The following TTC39C variants were observed in gnomAD, a reference collection of about 807,000 sequenced individuals.
The protein encoded by TTC39C is tetratricopeptide repeat domain 39C.
A neutral mutation model predicts 76.3 loss-of-function variants in TTC39C; 33 were observed. That is an observed-to-expected ratio of 0.43 (90% confidence interval 0.33 to 0.58). The LOEUF (loss-of-function observed/expected upper bound fraction) is 0.58. Ranked by LOEUF, TTC39C falls within the 20% of genes least tolerant of loss-of-function variation. The pLI is 0.04. For synonymous variants in TTC39C, 254 were observed against 260.6 expected, an observed-to-expected ratio of 0.97 and a Z score of 0.24; for missense variants, 595 against 701.4, an observed-to-expected ratio of 0.85 and a Z score of 1.71.
At chr18:23,993,105 A>G (rs2083232591) in intron 1 of TTC39C, 1 of 151,380 alleles carries the variant, frequency 6.6e-6, no homozygotes. Flanking sequence ...TTATGTTTTT[A>G]TCATGTTGTC....
intron 1 of TTC39C, chr18:24,001,499 C>G (rs2083310210): frequency 6.6e-6 from 1 of 152,258 alleles, no homozygotes; most frequent in Non-Finnish European, 1.5e-5. Context: ...TGTCTTCCCC[C>G]TTGAGTCTTT....
rs564243135 is a variant in TTC39C at position 24,024,687 on chromosome 18, A to G, written c.167+9649A>G. On this transcript the variant is annotated intron_variant, in intron 1 of 13. Coordinates refer to ENST00000317571, the MANE Select transcript of TTC39C (RefSeq NM_001135993.2). ...GAGTGTCTCAGAAAACATATCTCCC[A>G]TCGTTAAATCCCTCTGCACACCAAC... 2.6e-5 allele frequency among the ~76,000 whole-genome samples: 4 copies of G among 152,274 alleles called. No homozygotes were observed. The South Asian group carries it at 8.3e-4, about 32-fold the overall frequency.
chr18:24,118,861 G>C (rs897728045), intron 8 of TTC39C, among the ~76,000 whole-genome samples: 1 of 152,022 alleles, frequency 6.6e-6, no homozygotes, highest in African/African-American at 2.4e-5. Flanking sequence ...TTGCTATGGT[G>C]CCCAGGCTAA....
intron 1 of TTC39C, among the ~76,000 whole-genome samples, chr18:24,040,668 A>C (rs1258058763): frequency 3.9e-5 from 6 of 152,210 alleles, no homozygotes; most frequent in African/African-American, 1.4e-4. Context: ...GTAAGCATAC[A>C]GCTTAACTAG....
chr18:24,131,677 C>T (rs1024581437), intron 12 of TTC39C, among the ~76,000 whole-genome samples: 12 of 147,470 alleles, frequency 8.1e-5, no homozygotes, highest in African/African-American at 3.0e-4. Flanking sequence ...CTGCACACCA[C>T]ACTCCAGCCT....
At chr18:24,045,223 C>T (rs188724929) in intron 1 of TTC39C, among the ~76,000 whole-genome samples, 4 of 144,618 alleles carry the variant, frequency 2.8e-5, no homozygotes, top group East Asian at 2.0e-4. Context: ...GAGTCAAGAT[C>T]ATGCCACTGC....
chr18:24,021,901 A>G (rs559256054), intron 1 of TTC39C, among the ~76,000 whole-genome samples: 1 of 152,210 alleles, frequency 6.6e-6, no homozygotes, highest in South Asian at 2.1e-4. Flanking sequence ...AGTTTCTGCC[A>G]TGAACAGGAC....
intron 1 of TTC39C, among the ~76,000 whole-genome samples, chr18:24,059,397 G>A (rs1006453976): frequency 6.6e-6 from 1 of 152,058 alleles, no homozygotes; most frequent in Non-Finnish European, 1.5e-5. Flanking sequence ...CTCCGTGTCT[G>A]TTGTTCCCCT....
chr18:24,105,630 C>T (rs2084736979), intron 6 of TTC39C, among the ~76,000 whole-genome samples: 2 of 152,198 alleles, frequency 1.3e-5, no homozygotes, highest in Non-Finnish European at 2.9e-5. Context: ...TGTGACTTGC[C>T]TCACTTGAGT....
chr18:24,076,598 G>A (rs535953315), intron 4 of TTC39C, among the ~76,000 whole-genome samples: 23 of 152,190 alleles, frequency 1.5e-4, no homozygotes, highest in African/African-American at 5.3e-4. Context: ...GTGTGGGATG[G>A]AGAGTAGGGC....
chr18:24,075,301 A>T (rs531154399), intron 4 of TTC39C, among the ~76,000 whole-genome samples: 42 of 136,502 alleles, frequency 3.1e-4, no homozygotes, highest in Admixed American at 5.7e-4. Context: ...AAGTATAATT[A>T]AAAAAAAAAA....
chr18:24,043,494 G>A (rs2145694645), intron 1 of TTC39C, among the ~76,000 whole-genome samples: 1 of 152,268 alleles, frequency 6.6e-6, no homozygotes, highest in African/African-American at 2.4e-5. Flanking sequence ...AAAGGGATAG[G>A]AACAACTCAG....
intron 1 of TTC39C, among the ~76,000 whole-genome samples, chr18:24,038,818 T>A (rs766918504): frequency 1.5e-4 from 23 of 152,156 alleles, no homozygotes; most frequent in Non-Finnish European, 3.1e-4. Flanking sequence ...CTGGCCATGT[T>A]CTCACATGGC....
upstream of TTC39C, among the ~76,000 whole-genome samples, chr18:24,013,787 T>C (rs532258005): frequency 2.0e-5 from 3 of 152,350 alleles, no homozygotes; most frequent in Non-Finnish European, 4.4e-5. Context: ...TCTAGAATAT[T>C]AGGCATCCAG....
At chr18:24,019,416 T>C (rs913868044) in intron 1 of TTC39C, among the ~76,000 whole-genome samples, 1 of 152,250 alleles carries the variant, frequency 6.6e-6, no homozygotes. Context: ...ACATAGTTGC[T>C]ATGAATTGTG....
At chr18:24,005,344 A>G (rs2083343671) in intron 1 of TTC39C, among the ~76,000 whole-genome samples, 1 of 152,222 alleles carries the variant, frequency 6.6e-6, no homozygotes, top group African/African-American at 2.4e-5. Context: ...GCCAGCAGTC[A>G]TTCTAGATTT....
chr18:24,132,724 GATCTCCTCTTTTAAAC>G lies in TTC39C; in HGVS notation c.*153_*168del. 1.8e-6 allele frequency: 1 copy of G among 553,084 alleles called. No homozygotes were observed. The highest frequency in any genetic ancestry group is 3.1e-6 in the Non-Finnish European group (1 of 320,848). 34.3% of individuals were successfully genotyped at this position (553,084 alleles called of 1,614,324 possible). Reference sequence around the variant, plus strand: ...TTCCCAGTTAAGCTGACATATTAAAGATCTCCTCTTTTAAACATGTAGCTGAAAAGTAATAATGATG... The same window carrying G: ...TTCCCAGTTAAGCTGACATATTAAAGATGTAGCTGAAAAGTAATAATGATG... On this transcript the variant is annotated 3_prime_UTR_variant, in exon 14 of 14. Transcript: ENST00000317571.
intron 1 of TTC39C, chr18:23,994,399 T>C (rs941677398): frequency 2.0e-5 from 3 of 151,982 alleles, no homozygotes; most frequent in Non-Finnish European, 4.4e-5. Context: ...ATCAGTGTGG[T>C]TGGCAGATGT....
In TTC39C at chr18:24,080,599, G is replaced by A; in HGVS notation, c.475G>A (p.Gly159Arg). Residue 159 changes from glycine (G) to arginine (R), a missense_variant, in exon 5 of 14, where the codon GGG (glycine) becomes AGG (arginine). Transcript: ENST00000317571. Reference sequence around the variant, plus strand: ...TCTCTTTTTAGCTTATATCAAAGGTGGGTGGATCCTTAGGAAAGCCTGGAA... The same window carrying A: ...TCTCTTTTTAGCTTATATCAAAGGTAGGTGGATCCTTAGGAAAGCCTGGAA... Reference protein sequence around the residue: ...KQELSAYIKGGWILRKAWKIY... With the variant: ...KQELSAYIKGRWILRKAWKIY... The A allele has an allele frequency of 6.2e-7, 1 of 1,606,160 alleles. No homozygotes were observed. The highest frequency in any genetic ancestry group is 2.2e-5 in the East Asian group (1 of 44,772).
Sources: allele counts gnomAD v4.1 joint callset (sites outside exome capture counted in the v4.1 genomes callset), GRCh38; gene constraint gnomAD v4.1.1; transcripts MANE v1.5; gene names NCBI Gene and HGNC (gene_info 2026-07-23, HGNC 2026-07-21).